ARID1B: variants seen among roughly 807,000 people sequenced by gnomAD.
ARID1B encodes the protein AT-rich interactive domain-containing protein 1B.
Under a neutral mutation model 212.3 loss-of-function variants are expected in ARID1B, and 30 were observed. The ratio of observed to expected loss-of-function variants is 0.14; its 90% confidence interval spans 0.11 to 0.19. ARID1B has a LOEUF of 0.19. Ranked by LOEUF, ARID1B falls within the 10% of genes least tolerant of loss-of-function variation. The pLI is 1.00. For missense variants in ARID1B, 2,891 were observed against 3,204.0 expected (o/e 0.90, Z 2.36); for synonymous variants, 1,402 against 1,301.7 (o/e 1.08, Z -1.66).
intron 4 of ARID1B, among the ~76,000 whole-genome samples, chr6:157,054,420 GT>G (rs1303253128): frequency 1.3e-5 from 2 of 152,136 alleles, no homozygotes; most frequent in Non-Finnish European, 2.9e-5. Flanking sequence ...GTGAGTTATA[GT>G]TTTTTGAAAT....
rs139151227 is a variant in ARID1B, at chr6:156,880,329, C to T, written c.1987-21047C>T. Among the ~76,000 whole-genome samples, 687 of 152,276 alleles carry T rather than the reference C, an allele frequency of 4.5e-3. 4 individuals are homozygous for T. The highest frequency in any genetic ancestry group is 0.017 in the Middle Eastern group (5 of 294). Reference sequence around the variant, plus strand: ...TTGTGTTAGAGGCAAAAGCTTACTACAAGGCATTTCTAAGATAGTAGATAA... The same window carrying T: ...TTGTGTTAGAGGCAAAAGCTTACTATAAGGCATTTCTAAGATAGTAGATAA... On this transcript the variant is annotated intron_variant, in intron 2 of 19. Transcript: ENST00000636930.
At chr6:157,078,063 A>G (rs960272149) in intron 4 of ARID1B, among the ~76,000 whole-genome samples, 1 of 152,222 alleles carries the variant, frequency 6.6e-6, no homozygotes, top group Non-Finnish European at 1.5e-5. Flanking sequence ...TAGCACTGAC[A>G]TGGGGCTTGA....
chr6:157,137,756 A>G (rs1322080801), intron 7 of ARID1B, among the ~76,000 whole-genome samples: 1 of 152,206 alleles, frequency 6.6e-6, no homozygotes, highest in Non-Finnish European at 1.5e-5. Flanking sequence ...GGGAAGGGCC[A>G]CCACACACAG....
chr6:157,028,263 A>T (rs760536297), intron 4 of ARID1B, among the ~76,000 whole-genome samples: 1 of 152,206 alleles, frequency 6.6e-6, no homozygotes, highest in African/African-American at 2.4e-5. Context: ...CACTGCCTGG[A>T]CACCCATCAT....
chr6:157,021,409 G>A (rs1035841022), intron 4 of ARID1B, among the ~76,000 whole-genome samples: 1 of 152,216 alleles, frequency 6.6e-6, no homozygotes, highest in Admixed American at 6.5e-5. Flanking sequence ...GGGCGAGGAT[G>A]AGGGCGGCGA....
intron 4 of ARID1B, among the ~76,000 whole-genome samples, chr6:157,061,596 A>C (rs990395702): frequency 6.6e-6 from 1 of 152,120 alleles, no homozygotes; most frequent in African/African-American, 2.4e-5. Context: ...AAGATTGCCC[A>C]GTTATAGTTG....
At chr6:157,100,442 G>A (rs1412449410) in intron 5 of ARID1B, among the ~76,000 whole-genome samples, 3 of 152,172 alleles carry the variant, frequency 2.0e-5, no homozygotes, top group Non-Finnish European at 2.9e-5. Flanking sequence ...GGAGCATATC[G>A]AAGTTGGTGT....
In ARID1B at chr6:157,208,063, A is replaced by G. The variant is rs1236804488; in HGVS notation, c.*172A>G. ...AAAGAAATAATTAATTTGAACAGTT[A>G]TGAAATTAATATTTGCTGTCTGTGT... On this transcript the variant is annotated 3_prime_UTR_variant, in exon 20 of 20. Coordinates refer to ENST00000636930, the MANE Select transcript of ARID1B (RefSeq NM_001374828.1). The G allele has an allele frequency of 1.5e-6, 1 of 685,372 alleles. No homozygotes were observed. The highest frequency in any genetic ancestry group is 3.7e-5 in the Admixed American group (1 of 27,054). The allele number at this position is 685,372 out of a possible 1,614,324, so 42.5% of individuals were successfully genotyped here. A position where few individuals can be genotyped will look rare whatever the true frequency, so the allele number is the denominator to read the frequency against.
At chr6:156,826,082 T>G (rs1426085390) in intron 1 of ARID1B, among the ~76,000 whole-genome samples, 2 of 152,238 alleles carry the variant, frequency 1.3e-5, no homozygotes, top group Non-Finnish European at 2.9e-5. Flanking sequence ...TCTATCATGT[T>G]AAGTCCAAAC....
At chr6:156,986,829 T>C (rs1777949136) in intron 4 of ARID1B, among the ~76,000 whole-genome samples, 1 of 152,094 alleles carries the variant, frequency 6.6e-6, no homozygotes, top group Admixed American at 6.6e-5. Flanking sequence ...GATAGTAAAG[T>C]GATTAAACAG....
chr6:157,113,392 T>G (rs1269080565), intron 6 of ARID1B, among the ~76,000 whole-genome samples: 3 of 152,210 alleles, frequency 2.0e-5, no homozygotes, highest in Non-Finnish European at 2.9e-5. Flanking sequence ...GGATCATTTA[T>G]GAAGAAAAGA....
At chr6:156,883,641 C>T (rs1027654438) in intron 2 of ARID1B, among the ~76,000 whole-genome samples, 3 of 152,178 alleles carry the variant, frequency 2.0e-5, no homozygotes, top group African/African-American at 7.2e-5. Context: ...ATCTCACTCT[C>T]CGATCCTCAC....
chr6:157,032,840 A>T (rs766506586), intron 4 of ARID1B, among the ~76,000 whole-genome samples: 1 of 152,188 alleles, frequency 6.6e-6, no homozygotes, highest in Non-Finnish European at 1.5e-5. Context: ...TTTTAAAAAA[A>T]ACTGATGGTA....
intron 4 of ARID1B, among the ~76,000 whole-genome samples, chr6:156,974,046 T>C (rs1777088536): frequency 1.3e-5 from 2 of 152,216 alleles, no homozygotes; most frequent in Non-Finnish European, 2.9e-5. Flanking sequence ...GGTCTGACAA[T>C]GCCCAGGATT....
Position 157,209,990 on chromosome 6 carries a change from A to T in ARID1B, c.*2099A>T. 1 of 233,162 alleles carries T rather than the reference A, an allele frequency of 4.3e-6. No individual in the cohort carries two copies. Among genetic ancestry groups the T allele is most frequent in the East Asian group, 6.0e-5 (1 of 16,556 alleles). 14.4% of individuals were successfully genotyped at this position (233,162 alleles called of 1,614,324 possible). On this transcript the variant is annotated 3_prime_UTR_variant, in exon 20 of 20. Coordinates refer to ENST00000636930, the MANE Select transcript of ARID1B (RefSeq NM_001374828.1). ...ATACTCAGAATCCCCAGCCCCTCGC[A>T]TACATTGTGTCGGTTCACATTACTC...
intron 8 of ARID1B, among the ~76,000 whole-genome samples, chr6:157,163,501 C>T (rs1012673197): frequency 6.6e-6 from 1 of 152,178 alleles, no homozygotes; most frequent in African/African-American, 2.4e-5. Flanking sequence ...AGTAGTGTCT[C>T]AAGCAAGAGC....
intron 3 of ARID1B, among the ~76,000 whole-genome samples, chr6:156,926,901 C>T (rs150500827): frequency 2.6e-4 from 39 of 152,188 alleles, no homozygotes; most frequent in Admixed American, 7.2e-4. Context: ...AGGCTGGGCT[C>T]GAACTCCTGA....
intron 4 of ARID1B, among the ~76,000 whole-genome samples, chr6:157,062,309 G>A (rs1011723843): frequency 6.6e-6 from 1 of 151,682 alleles, no homozygotes; most frequent in Non-Finnish European, 1.5e-5. Flanking sequence ...CAGTCTTCCA[G>A]CCTCAGCCTC....
Position 156,829,227 on chromosome 6 carries a change from G to T in ARID1B, c.1792G>T (p.Gly598Cys), listed in dbSNP as rs2128045724. The T allele has an allele frequency of 1.4e-5, 22 of 1,610,486 alleles. No homozygotes were observed. Among genetic ancestry groups the T allele is most frequent in the Non-Finnish European group, 1.8e-5 (21 of 1,177,774 alleles). ...ACCGACTTCTTTTATGTCTTCACAG[G>T]GCAGCCCAATGGATCCAATGGTGAT... ...TPGPTMGRSQ[G>C]SPMDPMVMKR... is the part of the protein sequence containing the mutation. The change falls in exon 2 of 20, where the codon GGC becomes TGC. Residue 598 changes from glycine (G) to cysteine (C), a missense_variant and splice_region_variant. Gly to Cys is a radical substitution (Grantham distance 159). Coordinates refer to ENST00000636930, the MANE Select transcript of ARID1B (RefSeq NM_001374828.1).
Sources: gnomAD v4.1 joint callset for allele counts (sites outside exome capture counted in the v4.1 genomes callset) on GRCh38, gnomAD v4.1.1 for gene constraint, MANE v1.5 for transcripts, NCBI Gene and HGNC (gene_info 2026-07-23, HGNC 2026-07-21) for gene names.